DCDC2: variants seen among roughly 807,000 people sequenced by gnomAD.
DCDC2 encodes the protein doublecortin domain-containing protein 2.
DCDC2 carries 40 observed loss-of-function variants against 50.2 expected under a neutral mutation model. The observed-to-expected ratio is 0.80, with a 90% CI of 0.62 to 1.04. DCDC2 has a LOEUF of 1.04. Ranked by LOEUF, DCDC2 falls within the 50% of genes least tolerant of loss-of-function variation. The pLI, the probability that DCDC2 is intolerant of heterozygous loss-of-function variation, is 0.00. For synonymous variants in DCDC2, 234 were observed against 210.6 expected (o/e 1.11, Z -0.96); for missense variants, 570 against 581.9 (o/e 0.98, Z 0.21).
rs1160445956 is a variant in DCDC2, at chr6:24,306,543, T to TAGACAGACAGACAGAC, written c.349-4515_349-4500dup. Among the ~76,000 whole-genome samples, 792 of 115,680 alleles carry TAGACAGACAGACAGAC rather than the reference T, an allele frequency of 6.8e-3. 8 individuals are homozygous for TAGACAGACAGACAGAC. The highest frequency in any genetic ancestry group is 0.019 in the African/African-American group (561 of 29,656). The allele number at this position is 115,680 out of a possible 152,430, so 75.9% of individuals were successfully genotyped here. A position where few individuals can be genotyped will look rare whatever the true frequency, so the allele number is the denominator to read the frequency against. ...ATAGATAGATAGATAGATAGATAGA[T>TAGACAGACAGACAGAC]AGACAGACAGACAGACAGACAGACA... On this transcript the variant is annotated intron_variant, in intron 2 of 9. Coordinates refer to ENST00000378454, the MANE Select transcript of DCDC2 (RefSeq NM_016356.5).
At chr6:24,276,064 G>A (rs548580686) in intron 7 of DCDC2, among the ~76,000 whole-genome samples, 1 of 151,750 alleles carries the variant, frequency 6.6e-6, no homozygotes, top group Admixed American at 6.6e-5. Flanking sequence ...GTAGAAACGG[G>A]TTTTGGCTAT....
chr6:24,230,049 C>A (rs1019883401), intron 7 of DCDC2, among the ~76,000 whole-genome samples: 4 of 152,136 alleles, frequency 2.6e-5, no homozygotes, highest in African/African-American at 9.7e-5. Context: ...ACAGCTCTTG[C>A]CAGAGTTTTC....
At chr6:24,275,002 C>T (rs1299660859) in intron 7 of DCDC2, among the ~76,000 whole-genome samples, 1 of 151,832 alleles carries the variant, frequency 6.6e-6, no homozygotes, top group Non-Finnish European at 1.5e-5. Flanking sequence ...GTAGAAAAAG[C>T]CATGTAAATT....
intron 9 of DCDC2, 88 bp downstream of exon 9, chr6:24,178,242 T>TAAACACTTGATTA: frequency 7.2e-7 from 1 of 1,384,184 alleles, no homozygotes; most frequent in South Asian, 1.3e-5. Context: ...ATACAAGTCC[T>TAAACACTTGATTA]AAACACTTGA....
intron 7 of DCDC2, among the ~76,000 whole-genome samples, chr6:24,230,725 G>A (rs1268606106): frequency 6.6e-6 from 1 of 152,120 alleles, no homozygotes; most frequent in Non-Finnish European, 1.5e-5. Flanking sequence ...CCAGACAGAG[G>A]GAATGCCAGT....
chr6:24,180,420 G>T (rs540635982), intron 8 of DCDC2, among the ~76,000 whole-genome samples: 2,131 of 152,094 alleles, frequency 0.014, 33 homozygotes, highest in African/African-American at 0.035. Context: ...GAGTAGCTGG[G>T]ACTACAGGCG....
intron 7 of DCDC2, among the ~76,000 whole-genome samples, chr6:24,238,863 T>C (rs905775642): frequency 6.6e-6 from 1 of 152,184 alleles, no homozygotes; most frequent in Non-Finnish European, 1.5e-5. Flanking sequence ...GGCTGGTTCA[T>C]TTTCAGAGCA....
At chr6:24,233,477 T>G (rs1219043846) in intron 7 of DCDC2, among the ~76,000 whole-genome samples, 2 of 152,238 alleles carry the variant, frequency 1.3e-5, no homozygotes, top group Non-Finnish European at 2.9e-5. Context: ...CCCAATGAGA[T>G]TATAAATTGC....
chr6:24,191,740 C>A (rs796937336), intron 8 of DCDC2, among the ~76,000 whole-genome samples: 9 of 152,220 alleles, frequency 5.9e-5, no homozygotes, highest in African/African-American at 2.2e-4. Context: ...TTTTTCTTAG[C>A]TCCCTTCTGA....
rs1317609740 is a variant in DCDC2 at position 24,171,919 on chromosome 6, AT to A, written c.*2810del. The A allele has an allele frequency of 4.6e-5, 7 of 152,384 alleles. No homozygotes were observed. In the East Asian group the frequency reaches 1.3e-3, roughly 29 times the overall value. The allele number at this position is 152,384 out of a possible 1,614,324, so 9.4% of individuals were successfully genotyped here. On this transcript the variant is annotated 3_prime_UTR_variant, in exon 10 of 10. Transcript: ENST00000378454. ...ATATAGCATCACAAAGAATTAACAT[AT>A]TAAAGCATTATATTGGTTATCACAT...
At chr6:24,251,218 A>G (rs1762786098) in intron 7 of DCDC2, among the ~76,000 whole-genome samples, 1 of 152,200 alleles carries the variant, frequency 6.6e-6, no homozygotes, top group Non-Finnish European at 1.5e-5. Flanking sequence ...GGTTGAGGCA[A>G]AACTGGACAG....
At chr6:24,357,192 C>A (rs1422064665) in intron 1 of DCDC2, 4 of 355,824 alleles carry the variant, frequency 1.1e-5, no homozygotes, top group Non-Finnish European at 1.5e-5. Flanking sequence ...TGCAAGGATA[C>A]CTTTTTATTT....
At chr6:24,199,890 G>T (rs1761546307) in intron 8 of DCDC2, among the ~76,000 whole-genome samples, 4 of 152,106 alleles carry the variant, frequency 2.6e-5, no homozygotes, top group African/African-American at 7.2e-5. Flanking sequence ...TAGCTGAAAT[G>T]ATCAAGTGGA....
At chr6:24,300,914 T>C (rs1759356707) in intron 4 of DCDC2, among the ~76,000 whole-genome samples, 1 of 152,188 alleles carries the variant, frequency 6.6e-6, no homozygotes, top group Non-Finnish European at 1.5e-5. Flanking sequence ...AAAAAATGCT[T>C]TTGACTTCTT....
At chr6:24,316,541 A>G (rs1017369384) in intron 2 of DCDC2, among the ~76,000 whole-genome samples, 11 of 152,200 alleles carry the variant, frequency 7.2e-5, no homozygotes, top group Non-Finnish European at 1.5e-4. Flanking sequence ...GAAAACCTGA[A>G]GTTTTACATA....
rs185099558 is a variant in DCDC2 at position 24,184,857 on chromosome 6, C to A, written c.1024-6225G>T. Among the ~76,000 whole-genome samples the A allele has an allele frequency of 7.2e-4, 109 of 152,268 alleles. No individual in the cohort carries two copies. The East Asian group carries it at 0.015, about 21-fold the overall frequency. On this transcript the variant is annotated intron_variant, in intron 8 of 9. Coordinates refer to ENST00000378454, the MANE Select transcript of DCDC2 (RefSeq NM_016356.5). ...CCTAAACTTGCCCTATTATTCAGAA[C>A]AACTTTGTTTTAGTTTTAAAGAGAA...
chr6:24,282,795 G>A (rs1763507579), intron 6 of DCDC2, among the ~76,000 whole-genome samples: 2 of 151,690 alleles, frequency 1.3e-5, no homozygotes, highest in African/African-American at 4.8e-5. Context: ...ACTAGACGGG[G>A]ACTGCACCTG....
At chr6:24,332,915 G>A (rs1287837343) in intron 2 of DCDC2, among the ~76,000 whole-genome samples, 1 of 152,160 alleles carries the variant, frequency 6.6e-6, no homozygotes, top group Admixed American at 6.6e-5. Flanking sequence ...TCTAGGAGGA[G>A]AGTTAGACTT....
rs542571734 is a variant in DCDC2, at chr6:24,186,695, G to A, written c.1024-8063C>T. Among the ~76,000 whole-genome samples the A allele has an allele frequency of 1.4e-4, 21 of 152,174 alleles. No homozygotes were observed. The Middle Eastern group carries it at 0.01, about 74-fold the overall frequency. On this transcript the variant is annotated intron_variant, in intron 8 of 9. Coordinates refer to ENST00000378454, the MANE Select transcript of DCDC2 (RefSeq NM_016356.5). ...ACTCATCACTGATCATGTTTCTTAC[G>A]GACTCAAACTTGAAAAGCTGACTCT... is the stretch of plus-strand genomic sequence containing the variant.
Sources: allele counts gnomAD v4.1 joint callset (sites outside exome capture counted in the v4.1 genomes callset), GRCh38; gene constraint gnomAD v4.1.1; transcripts MANE v1.5; gene names NCBI Gene and HGNC (gene_info 2026-07-23, HGNC 2026-07-21).